The following CADM2 variants were observed in gnomAD, a reference collection of about 807,000 sequenced individuals.
The protein encoded by CADM2 is cell adhesion molecule 2, also known as immunoglobulin superfamily member 4D.
A neutral mutation model predicts 49.8 loss-of-function variants in CADM2; 12 were observed. That is an observed-to-expected ratio of 0.24 (90% confidence interval 0.15 to 0.39). CADM2 has a LOEUF of 0.39. CADM2 is among the 10% of genes least tolerant of loss of function. CADM2 has a pLI of 1.00. For missense variants in CADM2, 378 were observed against 492.3 expected, an observed-to-expected ratio of 0.77 and a Z score of 2.20; for synonymous variants, 214 against 175.4, an observed-to-expected ratio of 1.22 and a Z score of -1.74.
intron 1 of CADM2, among the ~76,000 whole-genome samples, chr3:85,383,776 A>G (rs753914658): frequency 1.3e-4 from 20 of 151,624 alleles, no homozygotes; most frequent in Non-Finnish European, 1.9e-4. Flanking sequence ...ATTCTTCAAT[A>G]CTCACTGTTC....
chr3:85,122,792 T>C (rs530981152), intron 1 of CADM2, among the ~76,000 whole-genome samples: 2 of 152,118 alleles, frequency 1.3e-5, no homozygotes, highest in Non-Finnish European at 2.9e-5. Context: ...AGGAAATACC[T>C]TAAAGTCATG....
chr3:85,873,309 CTG>C (rs1577531116), intron 3 of CADM2, among the ~76,000 whole-genome samples: 1 of 152,210 alleles, frequency 6.6e-6, no homozygotes, highest in East Asian at 1.9e-4. Context: ...TCAGATCACT[CTG>C]TGATAAAGAA....
chr3:85,327,700 T>C (rs1345983898), intron 1 of CADM2, among the ~76,000 whole-genome samples: 1 of 152,148 alleles, frequency 6.6e-6, no homozygotes, highest in African/African-American at 2.4e-5. Flanking sequence ...GGTATTTTAT[T>C]TCATTATAAC....
intron 1 of CADM2, among the ~76,000 whole-genome samples, chr3:85,427,160 CTATATATATATATATATA>C (rs35485915): frequency 0.14 from 15,385 of 113,642 alleles, 1,174 homozygotes; most frequent in Non-Finnish European, 0.15. Flanking sequence ...TGTATTGGAA[CTATATATATATATATATA>C]TATATATATA....
chr3:86,038,677 G>C (rs534981767), intron 8 of CADM2, among the ~76,000 whole-genome samples: 1 of 152,274 alleles, frequency 6.6e-6, no homozygotes, highest in East Asian at 1.9e-4. Context: ...TAAGAAAGTA[G>C]AACAAGATGG....
intron 1 of CADM2, among the ~76,000 whole-genome samples, chr3:85,288,055 C>G (rs560154769): frequency 6.6e-6 from 1 of 151,816 alleles, no homozygotes; most frequent in Non-Finnish European, 1.5e-5. Flanking sequence ...ATGTAACAAA[C>G]CTGCACATTG....
At chr3:85,181,552 T>G (rs1225900120) in intron 1 of CADM2, among the ~76,000 whole-genome samples, 1 of 152,068 alleles carries the variant, frequency 6.6e-6, no homozygotes, top group Admixed American at 6.6e-5. Flanking sequence ...AATTGAGAAT[T>G]GAATATCAAG....
At chr3:85,156,300 C>T (rs139166952) in intron 1 of CADM2, among the ~76,000 whole-genome samples, 15,338 of 151,602 alleles carry the variant, frequency 0.1, 972 homozygotes, top group African/African-American at 0.18. Flanking sequence ...ATATCACCAC[C>T]GATCCCATAG....
intron 2 of CADM2, among the ~76,000 whole-genome samples, chr3:85,735,642 A>T (rs1038214817): frequency 5.3e-5 from 8 of 152,168 alleles, no homozygotes; most frequent in African/African-American, 1.9e-4. Context: ...TGTGATTATA[A>T]TAGGATGAGA....
At chr3:85,182,333 CT>C (rs2040957145) in intron 1 of CADM2, among the ~76,000 whole-genome samples, 1 of 152,108 alleles carries the variant, frequency 6.6e-6, no homozygotes, top group African/African-American at 2.4e-5. Context: ...AAGAGTCTAC[CT>C]TAACTAAATC....
chr3:85,092,510 A>G (rs1486709482), intron 1 of CADM2, among the ~76,000 whole-genome samples: 1 of 152,206 alleles, frequency 6.6e-6, no homozygotes, highest in Non-Finnish European at 1.5e-5. Context: ...CCATGGGAGT[A>G]GCTCATCTGG....
intron 1 of CADM2, among the ~76,000 whole-genome samples, chr3:85,644,681 T>C (rs2107562949): frequency 6.6e-6 from 1 of 152,272 alleles, no homozygotes; most frequent in African/African-American, 2.4e-5. Context: ...GTCATTGATA[T>C]CATGCCTTTG....
chr3:85,541,755 T>TA (rs1559897626), intron 1 of CADM2, among the ~76,000 whole-genome samples: 1 of 27,216 alleles, frequency 3.7e-5, no homozygotes, highest in African/African-American at 6.6e-5. Flanking sequence ...TTTATATATT[T>TA]TATATATATA....
chr3:85,468,475 A>G (rs1474821670), intron 1 of CADM2, among the ~76,000 whole-genome samples: 1 of 152,160 alleles, frequency 6.6e-6, no homozygotes, highest in Non-Finnish European at 1.5e-5. Context: ...AAAAACCATC[A>G]AATAATCACC....
At chr3:85,404,613 G>A (rs1409919858) in intron 1 of CADM2, among the ~76,000 whole-genome samples, 7 of 152,174 alleles carry the variant, frequency 4.6e-5, no homozygotes, top group Non-Finnish European at 2.9e-5. Flanking sequence ...CCTAACGGAA[G>A]GTAATCTTTT....
chr3:85,733,581 T>G (rs1373005017), intron 2 of CADM2, among the ~76,000 whole-genome samples: 1 of 152,100 alleles, frequency 6.6e-6, no homozygotes, highest in African/African-American at 2.4e-5. Context: ...TTAATGGAGG[T>G]GCATTTTCTC....
intron 3 of CADM2, among the ~76,000 whole-genome samples, 191 bp from the exon 4 acceptor site, chr3:85,883,100 C>T (rs547480150): frequency 1.3e-5 from 2 of 152,198 alleles, no homozygotes; most frequent in Admixed American, 1.3e-4. Context: ...GCACCTAATT[C>T]TACTTTGATT....
At chr3:86,058,995 G>C (rs1369625532) in intron 8 of CADM2, among the ~76,000 whole-genome samples, 2 of 151,312 alleles carry the variant, frequency 1.3e-5, no homozygotes, top group Non-Finnish European at 2.9e-5. Context: ...TTGGGTGGCT[G>C]AGGCAGGAGA....
chr3:85,967,498 A>C (rs1463463003), intron 8 of CADM2, among the ~76,000 whole-genome samples: 2 of 151,808 alleles, frequency 1.3e-5, no homozygotes, highest in South Asian at 2.1e-4. Flanking sequence ...GTAATACCTT[A>C]AATTTGCTTT....
Sources: allele counts gnomAD v4.1 joint callset (sites outside exome capture counted in the v4.1 genomes callset), GRCh38; gene constraint gnomAD v4.1.1; transcripts MANE v1.5; gene names NCBI Gene and HGNC (gene_info 2026-07-23, HGNC 2026-07-21).